The following DPF3 variants were observed in gnomAD, a reference collection of about 807,000 sequenced individuals.
DPF3 encodes double PHD fingers 3, also known as zinc finger protein DPF3.
A neutral mutation model predicts 56.8 loss-of-function variants in DPF3; 18 were observed. The observed-to-expected ratio is 0.32, with a 90% CI of 0.22 to 0.47. DPF3 has a LOEUF of 0.47. Among genes scored for constraint, DPF3 ranks in the 20% least tolerant of loss-of-function variants. The pLI is 1.00. For missense variants in DPF3, 403 were observed against 488.8 expected (o/e 0.82, Z 1.65); for synonymous variants, 188 against 180.2 (o/e 1.04, Z -0.35).
In DPF3 at chr14:72,856,137, TCCAACTACA is replaced by T. The variant is rs574709672; in HGVS notation, c.32+37911_32+37919del. Among the ~76,000 whole-genome samples the T allele has an allele frequency of 2.0e-5, 3 of 152,318 alleles. No individual in the cohort carries two copies. The South Asian group carries it at 6.2e-4, about 32-fold the overall frequency. ...GGGCAGGGCACTTCTTTGGACTTAC[TCCAACTACA>T]CAAGGAGGAGGAGGATGTCTATGGT... On this transcript the variant is annotated intron_variant, in intron 1 of 10. Coordinates refer to ENST00000556509, the MANE Select transcript of DPF3 (RefSeq NM_001280542.3).
At chr14:72,845,393 G>A (rs981465054) in intron 1 of DPF3, among the ~76,000 whole-genome samples, 3 of 152,160 alleles carry the variant, frequency 2.0e-5, no homozygotes, top group Non-Finnish European at 2.9e-5. Context: ...CTGAAGTTAC[G>A]AAAGGCAGGC....
chr14:72,757,751 T>C (rs1317467604), intron 2 of DPF3, among the ~76,000 whole-genome samples: 1 of 152,174 alleles, frequency 6.6e-6, no homozygotes, highest in Admixed American at 6.5e-5. Context: ...TATATGCAAA[T>C]ACTATGCCAT....
At chr14:72,742,086 C>T (rs2139877404) in intron 3 of DPF3, among the ~76,000 whole-genome samples, 1 of 152,372 alleles carries the variant, frequency 6.6e-6, no homozygotes, top group East Asian at 1.9e-4. Flanking sequence ...GAGCAGGTCC[C>T]TTCCAGCACG....
intron 1 of DPF3, among the ~76,000 whole-genome samples, chr14:72,811,383 G>C (rs1242940785): frequency 1.3e-5 from 2 of 152,202 alleles, no homozygotes; most frequent in South Asian, 2.1e-4. Context: ...GAATGCCAAA[G>C]ATAAGACTGC....
At position 72,863,100 on chromosome 14, in the gene DPF3, A is replaced by ATATATG. The variant is rs1413440131; in HGVS notation, c.32+30956_32+30957insCATATA. On this transcript the variant is annotated intron_variant, in intron 1 of 10. Coordinates refer to ENST00000556509, the MANE Select transcript of DPF3 (RefSeq NM_001280542.3). The stretch of plus-strand genomic sequence containing the variant: ...TATATATATATATATATATATATAT[A>ATATATG]TGTGTGTGTATACATATATGTGTGT... Among the ~76,000 whole-genome samples, 135 of 110,358 alleles carry ATATATG rather than the reference A, an allele frequency of 1.2e-3. 1 individual carries two copies. The highest frequency in any genetic ancestry group is 4.1e-3 in the Admixed American group (42 of 10,158). 72.4% of individuals were successfully genotyped at this position (110,358 alleles called of 152,430 possible).
intron 1 of DPF3, among the ~76,000 whole-genome samples, chr14:72,867,463 CTG>C (rs1383510011): frequency 6.6e-6 from 1 of 152,130 alleles, no homozygotes; most frequent in Non-Finnish European, 1.5e-5. Flanking sequence ...ATGAGCTGTA[CTG>C]TTGAGGGGCA....
chr14:72,720,834 T>C (rs1035684525), intron 5 of DPF3, among the ~76,000 whole-genome samples: 1 of 152,148 alleles, frequency 6.6e-6, no homozygotes, highest in African/African-American at 2.4e-5. Context: ...CCAATAGAAA[T>C]ACAATGTGAG....
intron 2 of DPF3, among the ~76,000 whole-genome samples, chr14:72,768,267 T>G (rs1387341069): frequency 6.6e-6 from 1 of 152,212 alleles, no homozygotes; most frequent in South Asian, 2.1e-4. Context: ...CTCTTACGTT[T>G]TCTAAATTAT....
Position 72,632,127 on chromosome 14 carries a change from ATC to A in DPF3, c.872-2393_872-2392del, listed in dbSNP as rs1361723697. Reference sequence around the variant, plus strand: ...AGGCATTTGCAGCCCTTATTTAAGAATCTGTTTTTTAAGTCATTAAAGGCTAT... The same window carrying A: ...AGGCATTTGCAGCCCTTATTTAAGAATGTTTTTTAAGTCATTAAAGGCTAT... On this transcript the variant is annotated intron_variant, in intron 8 of 10. Coordinates refer to ENST00000556509, the MANE Select transcript of DPF3 (RefSeq NM_001280542.3). 4.6e-5 allele frequency among the ~76,000 whole-genome samples: 7 copies of A among 152,166 alleles called. No individual in the cohort carries two copies. In the South Asian group the frequency reaches 8.3e-4, roughly 18 times the overall value.
At chr14:72,735,128 T>TG (rs1342979222) in intron 3 of DPF3, among the ~76,000 whole-genome samples, 2 of 152,188 alleles carry the variant, frequency 1.3e-5, no homozygotes, top group African/African-American at 4.8e-5. Context: ...CCTGTCTCTC[T>TG]GTGGTCCTTC....
In DPF3 at chr14:72,617,993, G is replaced by A. The variant is rs141273987; in HGVS notation, c.*1304C>T. On this transcript the variant is annotated 3_prime_UTR_variant, in exon 11 of 11. Transcript: ENST00000556509. ...GTCAGCCCAATCCGCTCCAGCCCTC[G>A]GGGCTATCTTCCAACACACAGAGTT... Among the ~76,000 whole-genome samples, 1 of 152,038 alleles carries A rather than the reference G, an allele frequency of 6.6e-6. No individual in the cohort carries two copies. Among genetic ancestry groups the A allele is most frequent in the East Asian group, 1.9e-4 (1 of 5,142 alleles).
intron 1 of DPF3, among the ~76,000 whole-genome samples, chr14:72,808,463 G>A (rs541554369): frequency 2.8e-4 from 43 of 152,274 alleles, no homozygotes; most frequent in African/African-American, 1.0e-3. Flanking sequence ...ACTACAAGTG[G>A]GACTTACAAG....
At chr14:72,694,434 T>G (rs759029432) in intron 6 of DPF3, among the ~76,000 whole-genome samples, 1 of 152,198 alleles carries the variant, frequency 6.6e-6, no homozygotes, top group African/African-American at 2.4e-5. Flanking sequence ...AGCACAACTT[T>G]AGCATCAGGC....
chr14:72,674,197 T>TC (rs781561524), intron 8 of DPF3, 43 bp downstream of exon 8: 403 of 1,591,746 alleles, frequency 2.5e-4, no homozygotes, highest in Non-Finnish European at 3.3e-4. Flanking sequence ...AGAGGAGCAT[T>TC]CCTGGTCTAC....
intron 6 of DPF3, among the ~76,000 whole-genome samples, chr14:72,710,016 A>G (rs979071180): frequency 2.0e-5 from 3 of 152,228 alleles, no homozygotes; most frequent in Admixed American, 6.5e-5. Context: ...TAGAGACAAA[A>G]TGTTCTCCCT....
intron 1 of DPF3, among the ~76,000 whole-genome samples, chr14:72,876,457 A>T (rs982635616): frequency 6.6e-6 from 1 of 151,998 alleles, no homozygotes; most frequent in Admixed American, 6.6e-5. Flanking sequence ...CTCCCCAAAC[A>T]GTGACTGCCA....
intron 1 of DPF3, among the ~76,000 whole-genome samples, chr14:72,836,672 G>A (rs997794857): frequency 7.2e-5 from 11 of 152,044 alleles, no homozygotes; most frequent in Middle Eastern, 3.4e-3. Flanking sequence ...GTCTTATCTC[G>A]ATCTGGGACC....
chr14:72,678,944 A>G (rs1476604860), intron 7 of DPF3, among the ~76,000 whole-genome samples: 6 of 152,266 alleles, frequency 3.9e-5, no homozygotes, highest in African/African-American at 1.4e-4. Context: ...AAAGTAGAAG[A>G]AAAATAACAG....
intron 8 of DPF3, among the ~76,000 whole-genome samples, chr14:72,647,768 G>T (rs2803977): frequency 0.031 from 4,741 of 152,130 alleles, 174 homozygotes; most frequent in African/African-American, 0.077. Context: ...CTATTTTAGC[G>T]TCTATTCAAC....
Sources: gnomAD v4.1 joint callset for allele counts (sites outside exome capture counted in the v4.1 genomes callset) on GRCh38, gnomAD v4.1.1 for gene constraint, MANE v1.5 for transcripts, NCBI Gene and HGNC (gene_info 2026-07-23, HGNC 2026-07-21) for gene names.